Variants in CAMK2D observed in about 807,000 individuals in gnomAD.
CAMK2D encodes the protein calcium/calmodulin dependent protein kinase II delta.
A neutral mutation model predicts 84.0 loss-of-function variants in CAMK2D; 37 were observed. The observed-to-expected ratio is 0.44, with a 90% CI of 0.34 to 0.58. CAMK2D has a LOEUF of 0.58. Among genes scored for constraint, CAMK2D ranks in the 20% least tolerant of loss-of-function variants. The pLI, the probability that CAMK2D is intolerant of heterozygous loss-of-function variation, is 0.02. For synonymous variants in CAMK2D, 202 were observed against 212.5 expected (o/e 0.95, Z 0.43); for missense variants, 448 against 652.5 (o/e 0.69, Z 3.41).
At chr4:113,461,684 A>T (rs1429271890) in intron 17 of CAMK2D, among the ~76,000 whole-genome samples, 1 of 152,198 alleles carries the variant, frequency 6.6e-6, no homozygotes, top group East Asian at 1.9e-4. Flanking sequence ...AGGTAGATCA[A>T]ATGGAGTACA....
chr4:113,733,753 TTTTA>T, intron 2 of CAMK2D, among the ~76,000 whole-genome samples: 2 of 152,310 alleles, frequency 1.3e-5, no homozygotes, highest in South Asian at 4.1e-4. Flanking sequence ...AGCATGTAGC[TTTTA>T]AACTGTGAAA....
chr4:113,700,707 ACT>A (rs1265883352), intron 2 of CAMK2D, among the ~76,000 whole-genome samples: 4 of 152,004 alleles, frequency 2.6e-5, no homozygotes, highest in Non-Finnish European at 4.4e-5. Context: ...GCTGTGGGCA[ACT>A]CTGTTTTCTC....
chr4:113,601,316 G>A (rs545501363), intron 4 of CAMK2D, among the ~76,000 whole-genome samples: 2 of 151,996 alleles, frequency 1.3e-5, no homozygotes, highest in Non-Finnish European at 2.9e-5. Flanking sequence ...CTATTAAAAG[G>A]ACAGAATGTC....
intron 4 of CAMK2D, among the ~76,000 whole-genome samples, chr4:113,582,482 A>C (rs1322739224): frequency 3.9e-5 from 6 of 152,176 alleles, no homozygotes; most frequent in Non-Finnish European, 7.4e-5. Context: ...AAGTCAAAGT[A>C]TGTTTCTATC....
At chr4:113,493,696 C>G (rs1330920280) in intron 16 of CAMK2D, among the ~76,000 whole-genome samples, 5 of 151,962 alleles carry the variant, frequency 3.3e-5, no homozygotes, top group Admixed American at 6.5e-5. Context: ...GCCTGCCTTG[C>G]CAGATTGGGG....
chr4:113,467,432 T>C (rs1263736794), intron 16 of CAMK2D, among the ~76,000 whole-genome samples: 3 of 152,188 alleles, frequency 2.0e-5, no homozygotes, highest in Non-Finnish European at 4.4e-5. Context: ...ATCGAGACTA[T>C]ATGAGACTAT....
chr4:113,591,001 C>A (rs1397455783), intron 4 of CAMK2D, among the ~76,000 whole-genome samples: 1 of 152,158 alleles, frequency 6.6e-6, no homozygotes, highest in Non-Finnish European at 1.5e-5. Flanking sequence ...AACAATTCAA[C>A]AGATGTTTGT....
chr4:113,536,763 G>A (rs2098494820), intron 7 of CAMK2D, among the ~76,000 whole-genome samples: 1 of 152,096 alleles, frequency 6.6e-6, no homozygotes, highest in Non-Finnish European at 1.5e-5. Context: ...TTCCTTAATT[G>A]TAAAGAAGCA....
intron 3 of CAMK2D, among the ~76,000 whole-genome samples, chr4:113,613,344 C>T (rs930943312): frequency 4.6e-5 from 7 of 152,042 alleles, no homozygotes; most frequent in South Asian, 2.1e-4. Context: ...GAGAATACTA[C>T]GTGGGCTCCC....
At chr4:113,670,127 C>CA (rs1298546414) in intron 2 of CAMK2D, among the ~76,000 whole-genome samples, 2 of 151,966 alleles carry the variant, frequency 1.3e-5, no homozygotes, top group East Asian at 3.9e-4. Flanking sequence ...ACAAAAAATA[C>CA]AAAAAATAGC....
At chr4:113,521,865 GATGAA>G (rs1483145046) in intron 8 of CAMK2D, among the ~76,000 whole-genome samples, 1 of 152,156 alleles carries the variant, frequency 6.6e-6, no homozygotes, top group Non-Finnish European at 1.5e-5. Context: ...GGAGGAAATA[GATGAA>G]ATAAGATTAG....
chr4:113,723,530 C>T (rs2099537387), intron 2 of CAMK2D, among the ~76,000 whole-genome samples: 1 of 152,086 alleles, frequency 6.6e-6, no homozygotes, highest in Non-Finnish European at 1.5e-5. Flanking sequence ...GGCCACTTTA[C>T]TAAAAATAAT....
At chr4:113,590,505 T>C (rs1451594463) in intron 4 of CAMK2D, among the ~76,000 whole-genome samples, 1 of 152,148 alleles carries the variant, frequency 6.6e-6, no homozygotes, top group Non-Finnish European at 1.5e-5. Flanking sequence ...TTCAAGATAG[T>C]CAATTTCCTA....
chr4:113,698,073 C>T (rs558891097), intron 2 of CAMK2D, among the ~76,000 whole-genome samples: 7 of 152,138 alleles, frequency 4.6e-5, no homozygotes, highest in African/African-American at 1.7e-4. Context: ...CTTAACCTAG[C>T]CTACCTTAAA....
At chr4:113,756,675 T>G (rs2099629298) in intron 2 of CAMK2D, among the ~76,000 whole-genome samples, 1 of 152,120 alleles carries the variant, frequency 6.6e-6, no homozygotes, top group African/African-American at 2.4e-5. Context: ...AGTATTTGCT[T>G]GTTGTTAGGA....
chr4:113,679,437 T>C, intron 2 of CAMK2D: 3 of 978,356 alleles, frequency 3.1e-6, no homozygotes, highest in Non-Finnish European at 3.6e-6. Context: ...TTCTTAATTC[T>C]TCCCTAGATG....
At chr4:113,694,434 T>C (rs149281706) in intron 2 of CAMK2D, among the ~76,000 whole-genome samples, 12 of 152,276 alleles carry the variant, frequency 7.9e-5, no homozygotes, top group African/African-American at 2.6e-4. Context: ...AAAAAATGCT[T>C]TATCTATGTC....
At chr4:113,708,781 G>A (rs969433676) in intron 2 of CAMK2D, among the ~76,000 whole-genome samples, 4 of 152,144 alleles carry the variant, frequency 2.6e-5, no homozygotes, top group Middle Eastern at 3.2e-3. Context: ...CTGGAGTGCA[G>A]TGGCGTAATC....
At chr4:113,545,765 A>G (rs2098562563) in intron 6 of CAMK2D, among the ~76,000 whole-genome samples, 1 of 152,192 alleles carries the variant, frequency 6.6e-6, no homozygotes, top group African/African-American at 2.4e-5. Flanking sequence ...AAATTATAAC[A>G]AGCTCTCTCA....
Sources: allele counts gnomAD v4.1 joint callset (sites outside exome capture counted in the v4.1 genomes callset), GRCh38; gene constraint gnomAD v4.1.1; transcripts MANE v1.5; gene names NCBI Gene and HGNC (gene_info 2026-07-23, HGNC 2026-07-21).